Variants in MYH9 observed in about 807,000 individuals in gnomAD.
The protein encoded by MYH9 is myosin-9.
In MYH9, 29 loss-of-function variants were observed where a neutral mutation model predicts 241.9. The observed-to-expected ratio is 0.12, with a 90% CI of 0.09 to 0.16. MYH9 has a LOEUF of 0.16. MYH9 is among the 10% of genes least tolerant of loss of function. The pLI is 1.00. For synonymous variants in MYH9, 1,047 were observed against 1,062.6 expected (o/e 0.99, Z 0.29); for missense variants, 1,803 against 2,595.5 (o/e 0.69, Z 6.63).
chr22:36,289,216 T>A lies in MYH9; in HGVS notation c.4426A>T (p.Thr1476Ser), dbSNP rs2016644103. Residue 1476 changes from threonine to serine, a missense_variant, in exon 32 of 41, where the codon ACC (threonine) becomes TCC (serine). By Grantham distance (58) the Thr-to-Ser change is moderately conservative. Coordinates refer to ENST00000216181, the MANE Select transcript of MYH9 (RefSeq NM_002473.6). ...RAEAEAREKE[T>S]KALSLARALE... is the part of the protein sequence containing the mutation. ...GCCCGGGCCAGCGACAGAGCCTTGG[T>A]CTCCTTCTCTCGGGCCTCCGCCTCA... The A allele has an allele frequency of 6.2e-7, 1 of 1,613,148 alleles. No individual in the cohort carries two copies. Among genetic ancestry groups the A allele is most frequent in the Non-Finnish European group, 8.5e-7 (1 of 1,180,032 alleles).
At chr22:36,340,974 A>T (rs2017577989) in intron 3 of MYH9, among the ~76,000 whole-genome samples, 1 of 151,960 alleles carries the variant, frequency 6.6e-6, no homozygotes, top group African/African-American at 2.4e-5. Flanking sequence ...TTGTGTAGAG[A>T]TGGGAAGAAC....
chr22:36,321,039 A>G, intron 7 of MYH9, 143 bp from the exon 8 acceptor site: 3 of 642,286 alleles, frequency 4.7e-6, no homozygotes, highest in South Asian at 4.6e-5. Flanking sequence ...TGCAGCCTCC[A>G]CCTCCTGGAT....
rs530105182 is a variant in MYH9 at position 36,318,434 on chromosome 22, A to G, written c.1109-109T>C. On this transcript the variant is annotated intron_variant, in intron 10 of 40. Coordinates refer to ENST00000216181, the MANE Select transcript of MYH9 (RefSeq NM_002473.6). ...AAGTCCCTCTGCTTGACTTGGGAGC[A>G]GAGAGGAAGAAAGCCACGGGGTGAA... The G allele has an allele frequency of 2.2e-4, 202 of 933,930 alleles. 1 individual carries two copies. The African/African-American group carries it at 3.0e-3, about 14-fold the overall frequency. The allele number at this position is 933,930 out of a possible 1,614,324, so 57.9% of individuals were successfully genotyped here. A position where few individuals can be genotyped will look rare whatever the true frequency, so the allele number is the denominator to read the frequency against.
At position 36,320,504 on chromosome 22, in the gene MYH9, C is replaced by A. The variant is rs533595616; in HGVS notation, c.869-141G>T. 4.5e-6 allele frequency: 5 copies of A among 1,110,584 alleles called. No homozygotes were observed. The South Asian group carries it at 5.1e-5, about 11-fold the overall frequency. 68.8% of individuals were successfully genotyped at this position (1,110,584 alleles called of 1,614,324 possible). A position where few individuals can be genotyped will look rare whatever the true frequency, so the allele number is the denominator to read the frequency against. ...CTGGAAACCGCAGAGTAGCCAGTGA[C>A]GTTCAGCTTTCCTCAGTGTCTGAGA... On this transcript the variant is annotated intron_variant, in intron 8 of 40. Coordinates refer to ENST00000216181, the MANE Select transcript of MYH9 (RefSeq NM_002473.6). This position sits in a 1 kb window ranked among gnomAD's most constrained non-coding sequence, Gnocchi z 4.8.
rs768666026 is a variant in MYH9 at position 36,293,857 on chromosome 22, G to C, written c.3844C>G (p.Leu1282Val). The change falls in exon 29 of 41, where the codon CTG (leucine) becomes GTG (valine). Residue 1282 changes from leucine (L) to valine (V), a missense_variant. Physicochemically the swap from Leu to Val is conservative, Grantham distance 32 (BLOSUM62 1). This residue lies in a region of MYH9 where 876 missense variants were observed against 1,077.8 expected (regional missense o/e 0.81). Coordinates refer to ENST00000216181, the MANE Select transcript of MYH9 (RefSeq NM_002473.6). The surrounding 1 kb of genome is among the most constrained non-coding windows in gnomAD (Gnocchi z 5.1). ...ADKVTKLQVE[L>V]DNVTGLLSQS... is the part of the protein sequence containing the mutation. The stretch of plus-strand genomic sequence containing the variant: ...CTGAGAAGCCCGGTCACGTTGTCCA[G>C]CTCCACCTGCACCGGGCGGGGAGAC... 1 of 1,613,074 alleles carries C rather than the reference G, an allele frequency of 6.2e-7. No homozygotes were observed. The highest frequency in any genetic ancestry group is 1.7e-5 in the Admixed American group (1 of 59,938).
At chr22:36,367,713 C>T (rs2018032150) in intron 1 of MYH9, among the ~76,000 whole-genome samples, 1 of 152,218 alleles carries the variant, frequency 6.6e-6, no homozygotes, top group Admixed American at 6.5e-5. Flanking sequence ...CCAAGCAGCA[C>T]TCCTTTGCCC....
At chr22:36,290,589 C>T (rs1257932916) in intron 31 of MYH9, among the ~76,000 whole-genome samples, 5 of 152,134 alleles carry the variant, frequency 3.3e-5, no homozygotes, top group Admixed American at 2.6e-4. Context: ...AAGTGAGGAG[C>T]GTCTCTGCCT....
chr22:36,285,099 G>A lies in MYH9; in HGVS notation c.5483+22C>T, dbSNP rs199526295. 14 of 1,611,200 alleles carry A rather than the reference G, an allele frequency of 8.7e-6. No individual in the cohort carries two copies. The Admixed American group carries it at 2.0e-4, about 23-fold the overall frequency. ...AGTTTTTTCCAGGACAGCTGGGGTTGGGCGGGGCCAGGGGCACGTACTTGG... is the reference window on the plus strand; with the variant it reads ...AGTTTTTTCCAGGACAGCTGGGGTTAGGCGGGGCCAGGGGCACGTACTTGG... On this transcript the variant is annotated intron_variant, in intron 38 of 40. Transcript: ENST00000216181. This position sits in a 1 kb window ranked among gnomAD's most constrained non-coding sequence, Gnocchi z 7.0.
At chr22:36,321,626 G>T in intron 7 of MYH9, 132 bp downstream of exon 7, 1 of 868,148 alleles carries the variant, frequency 1.2e-6, no homozygotes, top group Non-Finnish European at 2.0e-6. Context: ...CAGTCCCCTA[G>T]CTCCACAGAG....
chr22:36,351,931 G>A lies in MYH9; in HGVS notation c.-19-2676C>T, dbSNP rs139261376. Among the ~76,000 whole-genome samples the A allele has an allele frequency of 2.3e-3, 345 of 151,986 alleles. 2 individuals carry two copies. Among genetic ancestry groups the A allele is most frequent in the African/African-American group, 7.3e-3 (304 of 41,458 alleles). ...GTTACTAAGTACCTCCCAGCACCAC[G>A]CTCAGTTTATTCACCACCTCACCTA... On this transcript the variant is annotated intron_variant, in intron 1 of 40. Transcript: ENST00000216181.
chr22:36,355,798 T>C (rs949825372), intron 1 of MYH9, among the ~76,000 whole-genome samples: 4 of 152,156 alleles, frequency 2.6e-5, no homozygotes, highest in Non-Finnish European at 5.9e-5. Context: ...TTAGCTGCCT[T>C]ACTGGTGAGG....
chr22:36,285,973 T>G lies in MYH9; in HGVS notation c.5062-20A>C, dbSNP rs754661817. 5.6e-6 allele frequency: 9 copies of G among 1,608,394 alleles called. No homozygotes were observed. Among genetic ancestry groups the G allele is most frequent in the African/African-American group, 2.7e-5 (2 of 74,822 alleles). On this transcript the variant is annotated intron_variant, in intron 35 of 40. Transcript: ENST00000216181. The surrounding 1 kb of genome is among the most constrained non-coding windows in gnomAD (Gnocchi z 7.0). ...CAGTTCCTGCCACAAAGACCCAGAG[T>G]GTGACCTAAAGGCAGCCACAGCCCC... is the stretch of plus-strand genomic sequence containing the variant.
intron 23 of MYH9, among the ~76,000 whole-genome samples, chr22:36,299,364 C>G (rs562038675): frequency 6.6e-6 from 1 of 152,342 alleles, no homozygotes; most frequent in Non-Finnish European, 1.5e-5. Flanking sequence ...CAAGAGGCTG[C>G]CACACGGCGC....
At chr22:36,353,362 T>C (rs951524158) in intron 1 of MYH9, among the ~76,000 whole-genome samples, 8 of 152,106 alleles carry the variant, frequency 5.3e-5, no homozygotes, top group Non-Finnish European at 1.2e-4. Context: ...AACAGCCTCT[T>C]TGAAACTTTT....
At chr22:36,318,745 G>T (rs1268143834) in intron 10 of MYH9, among the ~76,000 whole-genome samples, 1 of 152,092 alleles carries the variant, frequency 6.6e-6, no homozygotes, top group Non-Finnish European at 1.5e-5. Flanking sequence ...GCACGGAACA[G>T]CACAGGATCC....
intron 1 of MYH9, among the ~76,000 whole-genome samples, chr22:36,365,409 G>A (rs756765511): frequency 3.1e-4 from 47 of 152,152 alleles, no homozygotes; most frequent in Non-Finnish European, 1.2e-4. Flanking sequence ...GCTGCCAGAG[G>A]CGCCAGGGCA....
intron 1 of MYH9, among the ~76,000 whole-genome samples, chr22:36,349,710 C>A (rs1395553045): frequency 1.3e-5 from 2 of 152,142 alleles, no homozygotes; most frequent in South Asian, 4.1e-4. Context: ...GCCTGGGCAA[C>A]AGAAAAACAA....
Position 36,304,164 on chromosome 22 carries a change from G to C in MYH9, c.2230-9C>G. The C allele has an allele frequency of 6.2e-7, 1 of 1,613,234 alleles. No homozygotes were observed. Among genetic ancestry groups the C allele is most frequent in the Non-Finnish European group, 8.5e-7 (1 of 1,180,004 alleles). On this transcript the variant is annotated splice_polypyrimidine_tract_variant and intron_variant, in intron 18 of 40. Coordinates refer to ENST00000216181, the MANE Select transcript of MYH9 (RefSeq NM_002473.6). The stretch of plus-strand genomic sequence containing the variant: ...AGCTCCAGGGCTTTTATCTAGGTGG[G>C]AGGAGCAGGCCGTTTACCTGGCCAG...
At chr22:36,374,331 C>T (rs149015978) in intron 1 of MYH9, among the ~76,000 whole-genome samples, 3,575 of 152,254 alleles carry the variant, frequency 0.023, 136 homozygotes, top group African/African-American at 0.082. Context: ...ACCAGCCTGG[C>T]CAACATGACA....
Sources: allele counts gnomAD v4.1 joint callset (sites outside exome capture counted in the v4.1 genomes callset), GRCh38; gene constraint gnomAD v4.1.1; regional missense constraint gnomAD v4.1.1; non-coding constraint Gnocchi (gnomAD v3.1); transcripts MANE v1.5; gene names NCBI Gene and HGNC (gene_info 2026-07-23, HGNC 2026-07-21).